The following BCL2L13 variants were observed in gnomAD, a reference collection of about 807,000 sequenced individuals.
BCL2L13 encodes the protein BCL2 like 13.
Under a neutral mutation model 25.8 loss-of-function variants are expected in BCL2L13, and 13 were observed. The observed-to-expected ratio is 0.50, with a 90% CI of 0.33 to 0.80. BCL2L13 has a LOEUF of 0.80. Ranked by LOEUF, BCL2L13 falls within the 30% of genes least tolerant of loss-of-function variation. The pLI, the probability that BCL2L13 is intolerant of heterozygous loss-of-function variation, is 0.02. For synonymous variants in BCL2L13, 244 were observed against 230.3 expected (o/e 1.06, Z -0.54); for missense variants, 504 against 574.9 (o/e 0.88, Z 1.26).
intron 1 of BCL2L13, among the ~76,000 whole-genome samples, chr22:17,643,254 T>C (rs5746451): frequency 0.51 from 78,005 of 151,914 alleles, 20,743 homozygotes; most frequent in East Asian, 0.84. Flanking sequence ...ATTTTTCAGA[T>C]GGGTGGGGTG....
At chr22:17,643,064 G>A (rs1413385069) in intron 1 of BCL2L13, among the ~76,000 whole-genome samples, 1 of 152,176 alleles carries the variant, frequency 6.6e-6, no homozygotes, top group Non-Finnish European at 1.5e-5. Flanking sequence ...TATCTAGGAC[G>A]GGATGAAAGT....
chr22:17,655,464 C>T (rs187140025), intron 1 of BCL2L13, among the ~76,000 whole-genome samples, 198 bp from the exon 2 acceptor site: 5 of 144,324 alleles, frequency 3.5e-5, no homozygotes, highest in Admixed American at 6.9e-5. Context: ...CTTGCTCTGT[C>T]GCCAGGCTGG....
intron 6 of BCL2L13, among the ~76,000 whole-genome samples, chr22:17,724,632 T>A (rs2061244669): frequency 6.6e-6 from 1 of 152,236 alleles, no homozygotes; most frequent in Non-Finnish European, 1.5e-5. Context: ...TTATGTTAGA[T>A]CCTTGATGTA....
chr22:17,651,395 TTA>T (rs879607324), intron 1 of BCL2L13, among the ~76,000 whole-genome samples: 5,545 of 27,454 alleles, frequency 0.2, 146 homozygotes, highest in East Asian at 0.34. Flanking sequence ...ATTTATTTAT[TTA>T]TTTGAGACGG....
intron 6 of BCL2L13, among the ~76,000 whole-genome samples, chr22:17,719,153 C>CAAAAAAAA (rs59630355): frequency 2.2e-4 from 10 of 45,502 alleles, no homozygotes; most frequent in East Asian, 8.9e-4. Flanking sequence ...GGCTCTGTCT[C>CAAAAAAAA]AAAAAAAAAA....
intron 4 of BCL2L13, among the ~76,000 whole-genome samples, chr22:17,689,824 C>T (rs751347795): frequency 2.6e-4 from 35 of 133,658 alleles, no homozygotes; most frequent in Non-Finnish European, 3.6e-4. Context: ...GCCTGGGTGA[C>T]AGAGCGAGAC....
At chr22:17,717,080 A>G (rs780413925) in intron 6 of BCL2L13, among the ~76,000 whole-genome samples, 1 of 152,154 alleles carries the variant, frequency 6.6e-6, no homozygotes, top group Non-Finnish European at 1.5e-5. Flanking sequence ...ATATATGATG[A>G]TACTTTTCAG....
chr22:17,631,668 GTGTATATATATATATATATATA>G (rs1443202364), intron 1 of BCL2L13, among the ~76,000 whole-genome samples: 5 of 21,866 alleles, frequency 2.3e-4, no homozygotes, highest in African/African-American at 6.9e-4. Flanking sequence ...ATGTGTGTGT[GTGTATATATATATATATATATA>G]TATATATATA....
intron 1 of BCL2L13, among the ~76,000 whole-genome samples, chr22:17,644,823 CTTTTT>C (rs2058417711): frequency 1.3e-5 from 1 of 77,514 alleles, no homozygotes; most frequent in African/African-American, 5.2e-5. Context: ...TTTTTTTTTT[CTTTTT>C]GAGACGGAGT....
At chr22:17,636,683 C>A (rs1601439185), upstream of BCL2L13, among the ~76,000 whole-genome samples, 1 of 152,128 alleles carries the variant, frequency 6.6e-6, no homozygotes, top group East Asian at 1.9e-4. Flanking sequence ...GTAATCCCAG[C>A]TACTCAGGAG....
intron 5 of BCL2L13, among the ~76,000 whole-genome samples, chr22:17,697,161 G>C (rs558567928): frequency 6.6e-6 from 1 of 151,852 alleles, no homozygotes; most frequent in Non-Finnish European, 1.5e-5. Context: ...AATTTCGGCC[G>C]GGTGCAGTGG....
At chr22:17,716,971 T>G (rs1237460893) in intron 6 of BCL2L13, among the ~76,000 whole-genome samples, 1 of 152,210 alleles carries the variant, frequency 6.6e-6, no homozygotes, top group African/African-American at 2.4e-5. Context: ...GATATTTTAC[T>G]TCTCGTTCAT....
chr22:17,696,667 CAG>C (rs1426123781), intron 5 of BCL2L13, among the ~76,000 whole-genome samples: 1 of 152,126 alleles, frequency 6.6e-6, no homozygotes, highest in Non-Finnish European at 1.5e-5. Flanking sequence ...TTGCAGAAGA[CAG>C]AATGGATTTT....
upstream of BCL2L13, chr22:17,638,641 G>C: frequency 3.3e-6 from 4 of 1,224,824 alleles, no homozygotes; most frequent in Non-Finnish European, 4.1e-6. Flanking sequence ...TCTGGACGGA[G>C]AGACCTCCGG....
intron 2 of BCL2L13, among the ~76,000 whole-genome samples, chr22:17,656,520 G>T (rs1460559921): frequency 6.6e-6 from 1 of 150,418 alleles, no homozygotes; most frequent in African/African-American, 2.4e-5. Context: ...GCTAATTTTT[G>T]TATTTTTAGT....
At chr22:17,715,150 ATATATATATATATATATATATTTTTTT>A (rs1347413997) in intron 6 of BCL2L13, among the ~76,000 whole-genome samples, 284 of 6,252 alleles carry the variant, frequency 0.045, 10 homozygotes, top group South Asian at 0.11. Context: ...ATATATATAT[ATATATATATATATATATATATTTTTTT>A]TTTTTTTTTT....
At chr22:17,719,102 C>T (rs951147970) in intron 6 of BCL2L13, among the ~76,000 whole-genome samples, 7 of 129,022 alleles carry the variant, frequency 5.4e-5, no homozygotes, top group South Asian at 2.4e-4. Flanking sequence ...TGCAGTGAGG[C>T]GAGATGGCAC....
At chr22:17,661,972 C>T (rs1430398198) in intron 2 of BCL2L13, among the ~76,000 whole-genome samples, 21 of 144,564 alleles carry the variant, frequency 1.5e-4, no homozygotes, top group Non-Finnish European at 2.8e-4. Flanking sequence ...GCCTGGGCAA[C>T]GAGAGTGAAA....
chr22:17,719,606 GGATCATGAGGTC>G (rs2061045713), intron 6 of BCL2L13, among the ~76,000 whole-genome samples: 1 of 152,026 alleles, frequency 6.6e-6, no homozygotes, highest in African/African-American at 2.4e-5. Context: ...CGAGGCAGGT[GGATCATGAGGTC>G]AAGAGATCGA....
Sources: gnomAD v4.1 joint callset for allele counts (sites outside exome capture counted in the v4.1 genomes callset) on GRCh38, gnomAD v4.1.1 for gene constraint, MANE v1.5 for transcripts, NCBI Gene and HGNC (gene_info 2026-07-23, HGNC 2026-07-21) for gene names.